Variants in HIBCH observed in about 807,000 individuals in gnomAD.
HIBCH encodes 3-hydroxyisobutyryl-CoA hydrolase, mitochondrial.
Under a neutral mutation model 58.2 loss-of-function variants are expected in HIBCH, and 50 were observed. The ratio of observed to expected loss-of-function variants is 0.86; its 90% CI spans 0.68 to 1.09. The LOEUF is 1.09. Among genes scored for constraint, HIBCH ranks in the 50% least tolerant of loss-of-function variants. The pLI is 0.00. For synonymous variants in HIBCH, 151 were observed against 146.9 expected (o/e 1.03, Z -0.20); for missense variants, 450 against 449.7 (o/e 1.00, Z -0.01).
In HIBCH at chr2:190,296,812, C is replaced by A. The variant is rs1179141421; in HGVS notation, c.219+1G>T. ...ATAATTGCAATAAGAAAATTACAAA[C>A]CTTTAGCTGTGGATAAATCTGCCGA... On this transcript the variant is annotated splice_donor_variant, in intron 3 of 13. Coordinates refer to ENST00000359678, the MANE Select transcript of HIBCH (RefSeq NM_014362.4). LOFTEE classifies it high-confidence loss of function. The A allele has an allele frequency of 6.2e-7, 1 of 1,613,162 alleles. No homozygotes were observed.
rs3749018 is a variant in HIBCH, at chr2:190,296,785, A to G, written c.219+28T>C. On this transcript the variant is annotated intron_variant, in intron 3 of 13. Transcript: ENST00000359678. Reference sequence around the variant, plus strand: ...TTATGATATACTTTGAAAAGAATCCATATAATTGCAATAAGAAAATTACAA... The same window carrying G: ...TTATGATATACTTTGAAAAGAATCCGTATAATTGCAATAAGAAAATTACAA... 537 of 1,585,446 alleles carry G rather than the reference A, an allele frequency of 3.4e-4. 1 individual carries two copies. In the East Asian group the frequency reaches 0.011, roughly 32 times the overall value.
intron 7 of HIBCH, among the ~76,000 whole-genome samples, chr2:190,256,574 G>A (rs291410): frequency 0.29 from 43,868 of 151,172 alleles, 7,002 homozygotes; most frequent in East Asian, 0.45. Flanking sequence ...TCCAGCACCC[G>A]ACAAAGTAAA....
chr2:190,273,080 T>A (rs903749702), intron 6 of HIBCH, among the ~76,000 whole-genome samples: 1 of 152,132 alleles, frequency 6.6e-6, no homozygotes. Context: ...AATTTTACTA[T>A]AAGAAACTAC....
intron 1 of HIBCH, among the ~76,000 whole-genome samples, chr2:190,193,188 A>C (rs1332256093): frequency 6.6e-6 from 1 of 151,876 alleles, no homozygotes; most frequent in Non-Finnish European, 1.5e-5. Flanking sequence ...ATTTTATCAA[A>C]ATTTTTTTTC....
At chr2:190,235,531 A>G (rs1007951947) in intron 11 of HIBCH, among the ~76,000 whole-genome samples, 1 of 152,224 alleles carries the variant, frequency 6.6e-6, no homozygotes, top group African/African-American at 2.4e-5. Context: ...GTTACAATTT[A>G]AAAACATGAG....
intron 11 of HIBCH, among the ~76,000 whole-genome samples, chr2:190,238,222 T>C (rs1686340772): frequency 6.6e-6 from 1 of 152,148 alleles, no homozygotes; most frequent in Non-Finnish European, 1.5e-5. Flanking sequence ...GTATTTCTGG[T>C]TCTAGATCCT....
chr2:190,227,288 T>C (rs1185819165), intron 11 of HIBCH, among the ~76,000 whole-genome samples: 2 of 151,280 alleles, frequency 1.3e-5, no homozygotes, highest in African/African-American at 4.8e-5. Context: ...ATCTACAACC[T>C]TGACAAACGT....
intron 1 of HIBCH, 131 bp from the exon 2 acceptor site, chr2:190,310,927 A>G: frequency 5.5e-6 from 4 of 732,354 alleles, no homozygotes; most frequent in South Asian, 1.5e-5. Flanking sequence ...TAAAAGGTTT[A>G]GCTCTCATTC....
At chr2:190,239,529 A>C (rs1686386877) in intron 11 of HIBCH, among the ~76,000 whole-genome samples, 1 of 152,192 alleles carries the variant, frequency 6.6e-6, no homozygotes, top group African/African-American at 2.4e-5. Flanking sequence ...AATAGCACTG[A>C]ATCTAAAAAT....
At chr2:190,213,764 CCTAAAG>C (rs1207812275) in intron 11 of HIBCH, 1 of 152,492 alleles carries the variant, frequency 6.6e-6, no homozygotes, top group African/African-American at 2.4e-5. Flanking sequence ...AAAAAAAACA[CCTAAAG>C]CTGCTACCTA....
chr2:190,205,906 T>C (rs1342849327), intron 13 of HIBCH, among the ~76,000 whole-genome samples: 2 of 152,220 alleles, frequency 1.3e-5, no homozygotes, highest in Non-Finnish European at 2.9e-5. Context: ...ATACTGTAGT[T>C]ACACACACGT....
intron 5 of HIBCH, among the ~76,000 whole-genome samples, chr2:190,287,881 G>A (rs1160050923): frequency 6.6e-6 from 1 of 152,148 alleles, no homozygotes; most frequent in Non-Finnish European, 1.5e-5. Context: ...CCAGGGCCCA[G>A]TGTGGTGGCT....
chr2:190,213,136 T>G (rs1559013226), intron 11 of HIBCH, 61 bp from the exon 12 acceptor site: 2 of 1,245,096 alleles, frequency 1.6e-6, no homozygotes, highest in Non-Finnish European at 2.4e-6. Context: ...CTATAATAAA[T>G]GGGCAGAGTG....
intron 11 of HIBCH, among the ~76,000 whole-genome samples, chr2:190,228,176 A>G (rs1021922004): frequency 1.3e-5 from 2 of 152,140 alleles, no homozygotes; most frequent in Admixed American, 6.5e-5. Flanking sequence ...GATAGACTGG[A>G]TTAAGAAAAT....
intron 4 of HIBCH, 65 bp downstream of exon 4, chr2:190,294,481 T>G (rs1373832407): frequency 2.0e-6 from 2 of 1,007,102 alleles, no homozygotes; most frequent in Non-Finnish European, 3.1e-6. Context: ...TTACAAAAAT[T>G]TGACAATACT....
intron 7 of HIBCH, among the ~76,000 whole-genome samples, chr2:190,259,764 C>CATAT (rs956184925): frequency 2.0e-5 from 3 of 151,840 alleles, no homozygotes; most frequent in Admixed American, 1.3e-4. Flanking sequence ...TGGAGTTTTC[C>CATAT]ATATATATAT....
chr2:190,314,365 A>G (rs1688654027), intron 1 of HIBCH, among the ~76,000 whole-genome samples: 1 of 91,956 alleles, frequency 1.1e-5, no homozygotes, highest in Non-Finnish European at 2.3e-5. Context: ...ATACGTATAT[A>G]TATACGTATA....
intron 11 of HIBCH, among the ~76,000 whole-genome samples, chr2:190,228,796 T>C (rs538147896): frequency 5.9e-5 from 9 of 152,284 alleles, no homozygotes; most frequent in African/African-American, 2.2e-4. Flanking sequence ...AAGAGACAAC[T>C]TCTTTTCTCC....
chr2:190,201,977 T>C (rs1225556290), downstream of HIBCH: 1 of 166,962 alleles, frequency 6.0e-6, no homozygotes, highest in East Asian at 1.9e-4. Context: ...AAATGTACAA[T>C]TAGGTATATA....
Sources: allele counts gnomAD v4.1 joint callset (sites outside exome capture counted in the v4.1 genomes callset), GRCh38; gene constraint gnomAD v4.1.1; transcripts MANE v1.5; gene names NCBI Gene and HGNC (gene_info 2026-07-23, HGNC 2026-07-21).